Variants in TTC29 observed in about 807,000 individuals in gnomAD.
TTC29 encodes tetratricopeptide repeat domain 29, also known as tetratricopeptide repeat protein 29.
In TTC29, 49 loss-of-function variants were observed where a neutral mutation model predicts 58.1. That is an observed-to-expected ratio of 0.84 (90% CI 0.67 to 1.07). TTC29 has a LOEUF of 1.07. Among genes scored for constraint, TTC29 ranks in the 50% least tolerant of loss-of-function variants. The probability of loss-of-function intolerance (pLI) is 0.00; values close to 1 mark genes in which losing one functional copy is unlikely to be tolerated. For missense variants in TTC29, 582 were observed against 555.6 expected, an observed-to-expected ratio of 1.05 and a Z score of -0.48; for synonymous variants, 209 against 196.8, an observed-to-expected ratio of 1.06 and a Z score of -0.52.
intron 2 of TTC29, among the ~76,000 whole-genome samples, chr4:146,943,612 G>A (rs1408747121): frequency 6.6e-6 from 1 of 152,076 alleles, no homozygotes; most frequent in Non-Finnish European, 1.5e-5. Context: ...GGCCACATAA[G>A]GTATTTTGTT....
At chr4:146,916,165 A>G (rs919253026) in intron 4 of TTC29, among the ~76,000 whole-genome samples, 17 of 151,836 alleles carry the variant, frequency 1.1e-4, no homozygotes, top group Non-Finnish European at 2.5e-4. Flanking sequence ...TTCGGTGTAG[A>G]TAGATATTAT....
At chr4:146,874,047 T>C (rs1193314599) in intron 7 of TTC29, among the ~76,000 whole-genome samples, 1 of 152,184 alleles carries the variant, frequency 6.6e-6, no homozygotes, top group Non-Finnish European at 1.5e-5. Flanking sequence ...ATTTTTTCTT[T>C]ATATTTTATA....
intron 11 of TTC29, among the ~76,000 whole-genome samples, chr4:146,749,267 C>T (rs1262413306): frequency 1.3e-5 from 2 of 151,994 alleles, no homozygotes; most frequent in Admixed American, 6.5e-5. Context: ...GCTGTGATCT[C>T]ACTGCTGTGC....
rs528308760 is a variant in TTC29, at chr4:146,893,429, GA to G, written c.586+10114del. Among the ~76,000 whole-genome samples the G allele has an allele frequency of 2.4e-4, 36 of 152,274 alleles. No individual in the cohort carries two copies. The East Asian group carries it at 6.2e-3, about 26-fold the overall frequency. The stretch of plus-strand genomic sequence containing the variant: ...AAACCTGAGAAAAACAAGCAATGGG[GA>G]AAGGATTCCCTATTTAATAAATGGT... On this transcript the variant is annotated intron_variant, in intron 6 of 12. Transcript: ENST00000325106.
At chr4:146,835,000 A>C (rs1050843456) in intron 8 of TTC29, among the ~76,000 whole-genome samples, 8 of 152,178 alleles carry the variant, frequency 5.3e-5, no homozygotes, top group African/African-American at 1.9e-4. Flanking sequence ...CACAAAGTTA[A>C]AAATTTTGGG....
At chr4:146,777,144 G>A (rs1301687620) in intron 11 of TTC29, among the ~76,000 whole-genome samples, 2 of 152,186 alleles carry the variant, frequency 1.3e-5, no homozygotes, top group South Asian at 2.1e-4. Flanking sequence ...TAGTGCAGTC[G>A]GGTATCCTAT....
At chr4:146,791,716 C>A (rs554682382) in intron 11 of TTC29, among the ~76,000 whole-genome samples, 1 of 152,122 alleles carries the variant, frequency 6.6e-6, no homozygotes, top group Non-Finnish European at 1.5e-5. Context: ...GATAGGTAAA[C>A]GCTAGGCCTC....
At chr4:146,875,043 A>C in intron 6 of TTC29, 115 bp from the exon 7 acceptor site, 2 of 740,294 alleles carry the variant, frequency 2.7e-6, no homozygotes, top group Non-Finnish European at 4.4e-6. Context: ...ATTATGGTGA[A>C]GGATTTCTAA....
At chr4:146,894,989 AT>A (rs1732669803) in intron 6 of TTC29, among the ~76,000 whole-genome samples, 1 of 152,130 alleles carries the variant, frequency 6.6e-6, no homozygotes, top group Admixed American at 6.5e-5. Context: ...TCCTGCTGCT[AT>A]CCCCCAAACA....
At chr4:146,815,082 C>A (rs1168633283) in intron 10 of TTC29, among the ~76,000 whole-genome samples, 1 of 152,074 alleles carries the variant, frequency 6.6e-6, no homozygotes, top group African/African-American at 2.4e-5. Flanking sequence ...GTAATGGAAG[C>A]ATTTTAAGCA....
chr4:146,770,316 CA>C (rs1747636260), intron 11 of TTC29, among the ~76,000 whole-genome samples: 1 of 151,572 alleles, frequency 6.6e-6, no homozygotes, highest in South Asian at 2.1e-4. Flanking sequence ...CTGCATTTCT[CA>C]AAAAAAGCCT....
chr4:146,713,415 T>C (rs547342298), intron 11 of TTC29, among the ~76,000 whole-genome samples: 1 of 152,214 alleles, frequency 6.6e-6, no homozygotes, highest in Admixed American at 6.5e-5. Context: ...TTAATCTCAC[T>C]CTATCAAAAA....
intron 11 of TTC29, among the ~76,000 whole-genome samples, chr4:146,788,719 A>G (rs2150099138): frequency 6.6e-6 from 1 of 152,236 alleles, no homozygotes; most frequent in Admixed American, 6.5e-5. Flanking sequence ...ATACAAAGGT[A>G]TGGAAAAATG....
intron 11 of TTC29, among the ~76,000 whole-genome samples, chr4:146,740,477 C>A (rs1745042681): frequency 1.3e-5 from 2 of 152,014 alleles, no homozygotes; most frequent in African/African-American, 4.8e-5. Context: ...TACATGTGCA[C>A]AATGTGCAGG....
chr4:146,856,283 AG>A (rs1160767439), intron 8 of TTC29, among the ~76,000 whole-genome samples: 1 of 152,186 alleles, frequency 6.6e-6, no homozygotes. Flanking sequence ...AGCTTTGTAA[AG>A]AGCTACTGTA....
chr4:146,867,592 A>AC lies in TTC29; in HGVS notation c.800-10_800-9insG. ...CATCTTTTTGTCACTTCCTGAAGTGAAGATGTAAAAAAATTACCAAGTATT... is the reference window on the plus strand; with the variant it reads ...CATCTTTTTGTCACTTCCTGAAGTGACAGATGTAAAAAAATTACCAAGTATT... On this transcript the variant is annotated splice_polypyrimidine_tract_variant and intron_variant, in intron 7 of 12. Transcript: ENST00000325106. 7.1e-7 allele frequency: 1 copy of AC among 1,416,188 alleles called. No homozygotes were observed. The highest frequency in any genetic ancestry group is 9.5e-7 in the Non-Finnish European group (1 of 1,050,614). 87.7% of individuals were successfully genotyped at this position (1,416,188 alleles called of 1,614,324 possible).
At chr4:146,728,817 G>A (rs201236254) in intron 11 of TTC29, among the ~76,000 whole-genome samples, 1,119 of 71,102 alleles carry the variant, frequency 0.016, 35 homozygotes, top group African/African-American at 0.028. Flanking sequence ...ATATATATGT[G>A]TATATATACA....
At chr4:146,898,611 A>G (rs1488969370) in intron 6 of TTC29, among the ~76,000 whole-genome samples, 1 of 152,230 alleles carries the variant, frequency 6.6e-6, no homozygotes, top group African/African-American at 2.4e-5. Flanking sequence ...TGTTCTTACA[A>G]TGATCTCCCC....
At chr4:146,878,175 T>A (rs1187699583) in intron 6 of TTC29, among the ~76,000 whole-genome samples, 2 of 152,202 alleles carry the variant, frequency 1.3e-5, no homozygotes, top group African/African-American at 2.4e-5. Context: ...GAAGGCAACC[T>A]TGGGATGGTT....
Sources: gnomAD v4.1 joint callset for allele counts (sites outside exome capture counted in the v4.1 genomes callset) on GRCh38, gnomAD v4.1.1 for gene constraint, MANE v1.5 for transcripts, NCBI Gene and HGNC (gene_info 2026-07-23, HGNC 2026-07-21) for gene names.